TMTC2: variants seen among roughly 807,000 people sequenced by gnomAD.
TMTC2 encodes the protein transmembrane O-mannosyltransferase targeting cadherins 2.
TMTC2 carries 43 observed loss-of-function variants against 82.4 expected under a neutral mutation model. The ratio of observed to expected loss-of-function variants is 0.52; its 90% confidence interval spans 0.41 to 0.67. The LOEUF (loss-of-function observed/expected upper bound fraction) is 0.67. Ranked by LOEUF, TMTC2 falls within the 30% of genes least tolerant of loss-of-function variation. TMTC2 has a pLI of 0.00. For missense variants in TMTC2, 919 were observed against 1,012.4 expected (o/e 0.91, Z 1.25); for synonymous variants, 408 against 381.9 (o/e 1.07, Z -0.80).
chr12:82,863,621 A>C (rs901563557), intron 2 of TMTC2, among the ~76,000 whole-genome samples: 3 of 152,188 alleles, frequency 2.0e-5, no homozygotes, highest in African/African-American at 7.2e-5. Flanking sequence ...TCTGTATTCC[A>C]GTTGCAGTTT....
At chr12:82,937,925 T>TA (rs1484186597) in intron 4 of TMTC2, among the ~76,000 whole-genome samples, 3 of 94,904 alleles carry the variant, frequency 3.2e-5, no homozygotes, top group Admixed American at 1.4e-4. Context: ...TTTTTTTATT[T>TA]TTTTTTTTTG....
At chr12:82,923,102 C>A (rs1316849288) in intron 3 of TMTC2, among the ~76,000 whole-genome samples, 1 of 152,168 alleles carries the variant, frequency 6.6e-6, no homozygotes, top group Non-Finnish European at 1.5e-5. Flanking sequence ...TGCCCCGGGC[C>A]ACACTGCCAC....
chr12:82,693,642 A>G (rs1872666310), intron 1 of TMTC2, among the ~76,000 whole-genome samples: 1 of 151,888 alleles, frequency 6.6e-6, no homozygotes, highest in Admixed American at 6.6e-5. Context: ...TTCCAGTTAT[A>G]TTTGTCAGTT....
At chr12:83,003,328 A>T (rs1056295979) in intron 8 of TMTC2, among the ~76,000 whole-genome samples, 1 of 152,064 alleles carries the variant, frequency 6.6e-6, no homozygotes, top group Non-Finnish European at 1.5e-5. Context: ...TGTGAAACAG[A>T]TCTCTTGAAA....
At chr12:82,845,581 T>G (rs1202840758) in intron 1 of TMTC2, among the ~76,000 whole-genome samples, 2 of 152,050 alleles carry the variant, frequency 1.3e-5, no homozygotes, top group African/African-American at 4.8e-5. Context: ...AAATTGAAAC[T>G]CTGATACAGT....
chr12:83,008,191 T>A (rs995988889), intron 8 of TMTC2, among the ~76,000 whole-genome samples: 2 of 152,220 alleles, frequency 1.3e-5, no homozygotes, highest in African/African-American at 4.8e-5. Context: ...ATTTTTGGAA[T>A]GTATCTTATT....
At chr12:82,906,538 G>A (rs1222900170) in intron 3 of TMTC2, among the ~76,000 whole-genome samples, 3 of 151,900 alleles carry the variant, frequency 2.0e-5, no homozygotes, top group South Asian at 2.1e-4. Flanking sequence ...GGTGGCGGGC[G>A]CCTCAAACCC....
At chr12:82,913,796 A>C (rs923054457) in intron 3 of TMTC2, among the ~76,000 whole-genome samples, 1 of 152,198 alleles carries the variant, frequency 6.6e-6, no homozygotes, top group Non-Finnish European at 1.5e-5. Context: ...ATACTCAAGT[A>C]CCGTTGTCCC....
chr12:82,966,046 A>G lies in TMTC2; in HGVS notation c.1869+302A>G, dbSNP rs1184889050. On this transcript the variant is annotated intron_variant, in intron 6 of 11. Coordinates refer to ENST00000321196, the MANE Select transcript of TMTC2 (RefSeq NM_152588.3). Reference sequence around the variant, plus strand: ...ATTCAAGAATGGGGAAATAACATGTAATGTTTCTCGAGCTTCTTTGCTCAC... The same window carrying G: ...ATTCAAGAATGGGGAAATAACATGTGATGTTTCTCGAGCTTCTTTGCTCAC... The G allele has an allele frequency of 1.9e-5, 7 of 362,222 alleles. No individual in the cohort carries two copies. In the South Asian group the frequency reaches 3.1e-4, roughly 16 times the overall value. 22.4% of individuals were successfully genotyped at this position (362,222 alleles called of 1,614,324 possible). A position where few individuals can be genotyped will look rare whatever the true frequency, so the allele number is the denominator to read the frequency against.
At chr12:82,783,633 TTA>T (rs1222655878) in intron 1 of TMTC2, among the ~76,000 whole-genome samples, 7 of 152,100 alleles carry the variant, frequency 4.6e-5, no homozygotes, top group African/African-American at 1.4e-4. Context: ...GGAAGCATGG[TTA>T]TGTGTTTAAT....
Position 83,132,354 on chromosome 12 carries a change from A to G in TMTC2, c.2476A>G (p.Met826Val). 6.2e-7 allele frequency: 1 copy of G among 1,614,040 alleles called. No individual in the cohort carries two copies. ...CAATCTCCGCAAACTGTGGAACATC[A>G]TGGAAAAACAAGGCTTAAAGACTTC... ...QSNLRKLWNIMEKQGLKTSKT is the reference protein window; with the variant it reads ...QSNLRKLWNIVEKQGLKTSKT The change falls in exon 12 of 12, where the codon ATG becomes GTG. Residue 826 changes from methionine to valine, a missense_variant. By Grantham distance (21) the Met-to-Val change is conservative. Transcript: ENST00000321196.
At chr12:83,072,571 T>G (rs777973689) in intron 11 of TMTC2, among the ~76,000 whole-genome samples, 1 of 152,206 alleles carries the variant, frequency 6.6e-6, no homozygotes, top group Non-Finnish European at 1.5e-5. Flanking sequence ...ACTTTCTGTC[T>G]TGATGATCTG....
intron 9 of TMTC2, among the ~76,000 whole-genome samples, chr12:83,048,744 C>CT (rs1268644095): frequency 6.6e-6 from 1 of 152,242 alleles, no homozygotes; most frequent in African/African-American, 2.4e-5. Context: ...TCTCAGCTCA[C>CT]TGCAACCTCC....
At chr12:83,084,967 C>T (rs1645598046) in intron 11 of TMTC2, among the ~76,000 whole-genome samples, 1 of 152,162 alleles carries the variant, frequency 6.6e-6, no homozygotes, top group African/African-American at 2.4e-5. Flanking sequence ...TTTTCCAGAA[C>T]TTGTGCTGTC....
chr12:83,058,897 A>T (rs1183860309), intron 10 of TMTC2, among the ~76,000 whole-genome samples: 1 of 151,882 alleles, frequency 6.6e-6, no homozygotes, highest in African/African-American at 2.4e-5. Flanking sequence ...TTCAGGAAGT[A>T]AGAAAGTGGG....
chr12:82,694,983 T>C (rs754733935), intron 1 of TMTC2, among the ~76,000 whole-genome samples: 1 of 152,248 alleles, frequency 6.6e-6, no homozygotes, highest in Non-Finnish European at 1.5e-5. Context: ...AAATTTTGAC[T>C]GTACCAGCCT....
At chr12:82,936,701 T>C (rs1479405091) in intron 4 of TMTC2, among the ~76,000 whole-genome samples, 1 of 148,138 alleles carries the variant, frequency 6.8e-6, no homozygotes, top group African/African-American at 2.7e-5. Context: ...AGCAAACTTA[T>C]AAATAAACTA....
intron 8 of TMTC2, among the ~76,000 whole-genome samples, chr12:82,997,362 A>ATG (rs1202095803): frequency 0.21 from 5,563 of 26,660 alleles, 599 homozygotes; most frequent in South Asian, 0.24. Context: ...ATATATATAT[A>ATG]TATGTGTATA....
intron 8 of TMTC2, among the ~76,000 whole-genome samples, chr12:83,013,825 C>T (rs17010346): frequency 0.071 from 10,778 of 152,214 alleles, 524 homozygotes; most frequent in African/African-American, 0.13. Flanking sequence ...TCAACCTGAG[C>T]TTGCTAAATC....
Sources: gnomAD v4.1 joint callset for allele counts (sites outside exome capture counted in the v4.1 genomes callset) on GRCh38, gnomAD v4.1.1 for gene constraint, MANE v1.5 for transcripts, NCBI Gene and HGNC (gene_info 2026-07-23, HGNC 2026-07-21) for gene names.